Variants in GLIS3 observed in about 807,000 individuals in gnomAD.
The protein encoded by GLIS3 is zinc finger protein GLIS3.
GLIS3 carries 53 observed loss-of-function variants against 78.6 expected under a neutral mutation model. The ratio of observed to expected loss-of-function variants is 0.67; its 90% confidence interval spans 0.54 to 0.85. The LOEUF (loss-of-function observed/expected upper bound fraction) is 0.85. Ranked by LOEUF, GLIS3 falls within the 40% of genes least tolerant of loss-of-function variation. The pLI, the probability that GLIS3 is intolerant of heterozygous loss-of-function variation, is 0.00. For synonymous variants in GLIS3, 684 were observed against 509.9 expected (o/e 1.34, Z -4.60); for missense variants, 1,703 against 1,231.1 (o/e 1.38, Z -5.74).
intron 4 of GLIS3, among the ~76,000 whole-genome samples, chr9:4,074,312 C>T (rs1178284755): frequency 6.6e-6 from 1 of 152,186 alleles, no homozygotes; most frequent in Non-Finnish European, 1.5e-5. Flanking sequence ...TGGGCTTTGT[C>T]AGAGAAATTC....
intron 2 of GLIS3, among the ~76,000 whole-genome samples, chr9:4,342,215 T>C (rs527555385): frequency 6.6e-6 from 1 of 152,342 alleles, no homozygotes; most frequent in Admixed American, 6.5e-5. Flanking sequence ...AGGGTTTTTA[T>C]AGTTTTGGGT....
the GLIS3 span, among the ~76,000 whole-genome samples, chr9:4,468,680 A>G: frequency 1.3e-5 from 2 of 152,174 alleles, no homozygotes; most frequent in East Asian, 1.9e-4. Context: ...ACTGCAAAAA[A>G]CATGCCAATT....
chr9:4,025,314 T>G (rs1363433145), intron 4 of GLIS3, among the ~76,000 whole-genome samples: 2 of 151,902 alleles, frequency 1.3e-5, no homozygotes, highest in Admixed American at 6.5e-5. Flanking sequence ...GATGAGCAAA[T>G]GGATGGACGG....
intron 2 of GLIS3, among the ~76,000 whole-genome samples, chr9:4,267,125 C>T (rs202167969): frequency 2.6e-5 from 4 of 152,036 alleles, no homozygotes; most frequent in Non-Finnish European, 4.4e-5. Flanking sequence ...GCTGTACCCC[C>T]TGCAGACACC....
At chr9:3,947,400 A>G (rs909246034) in intron 4 of GLIS3, among the ~76,000 whole-genome samples, 2 of 152,274 alleles carry the variant, frequency 1.3e-5, no homozygotes, top group Non-Finnish European at 1.5e-5. Context: ...ATACAGCAAC[A>G]CAAACCTCCA....
the GLIS3 span, among the ~76,000 whole-genome samples, chr9:4,437,510 C>T: frequency 2.8e-4 from 43 of 151,858 alleles, no homozygotes; most frequent in Admixed American, 1.9e-3. Flanking sequence ...GAATTAGGCA[C>T]CATAATGACA....
At chr9:3,905,379 C>T (rs574157577) in intron 6 of GLIS3, among the ~76,000 whole-genome samples, 376 of 152,174 alleles carry the variant, frequency 2.5e-3, no homozygotes, top group Non-Finnish European at 3.8e-3. Flanking sequence ...CTGGAAAAGT[C>T]TCTAGCATAC....
At chr9:4,418,148 C>G in the GLIS3 span, among the ~76,000 whole-genome samples, 7 of 152,204 alleles carry the variant, frequency 4.6e-5, no homozygotes, top group Admixed American at 3.3e-4. Context: ...AACAGTCACT[C>G]ATGAGCCATC....
intron 4 of GLIS3, among the ~76,000 whole-genome samples, chr9:4,103,010 A>G (rs1436905746): frequency 2.0e-5 from 3 of 152,180 alleles, no homozygotes; most frequent in Non-Finnish European, 4.4e-5. Context: ...CTGTGTTTGG[A>G]CATGACATAA....
chr9:4,234,830 G>C (rs1423890770), intron 2 of GLIS3, among the ~76,000 whole-genome samples: 2 of 152,170 alleles, frequency 1.3e-5, no homozygotes, highest in Non-Finnish European at 2.9e-5. Context: ...TCAAGGTCAT[G>C]CAACTATTTC....
the GLIS3 span, among the ~76,000 whole-genome samples, chr9:4,459,024 C>G: frequency 1.3e-5 from 2 of 152,060 alleles, no homozygotes; most frequent in African/African-American, 2.4e-5. Context: ...GGCTTTTACT[C>G]TGGGATGGCA....
intron 4 of GLIS3, among the ~76,000 whole-genome samples, chr9:4,096,978 C>G (rs1035990494): frequency 1.3e-5 from 2 of 152,174 alleles, no homozygotes; most frequent in African/African-American, 4.8e-5. Context: ...TGCCACTGCA[C>G]TCCAGCCTGG....
At chr9:4,377,898 G>A in the GLIS3 span, among the ~76,000 whole-genome samples, 2 of 152,052 alleles carry the variant, frequency 1.3e-5, no homozygotes, top group Non-Finnish European at 2.9e-5. Context: ...CATGCTCTTA[G>A]AAGTTCATTT....
chr9:4,030,875 GC>G (rs1823777887), intron 4 of GLIS3, among the ~76,000 whole-genome samples: 1 of 152,152 alleles, frequency 6.6e-6, no homozygotes, highest in South Asian at 2.1e-4. Flanking sequence ...AGCATCATGT[GC>G]TGACATTATC....
intron 4 of GLIS3, among the ~76,000 whole-genome samples, chr9:3,999,447 C>G (rs73388244): frequency 0.011 from 1,685 of 152,160 alleles, 37 homozygotes; most frequent in African/African-American, 0.038. Flanking sequence ...GGTTGCATTT[C>G]TATGCACCAG....
At chr9:4,112,726 G>A (rs1831320047) in intron 4 of GLIS3, among the ~76,000 whole-genome samples, 1 of 152,134 alleles carries the variant, frequency 6.6e-6, no homozygotes, top group South Asian at 2.1e-4. Context: ...ATTGGAGTGT[G>A]ATAGTAATTG....
chr9:3,841,685 G>C (rs1405494573), intron 9 of GLIS3, among the ~76,000 whole-genome samples: 1 of 152,176 alleles, frequency 6.6e-6, no homozygotes, highest in Non-Finnish European at 1.5e-5. Context: ...ACTTTGCCAA[G>C]GTTGACAAGA....
intron 2 of GLIS3, among the ~76,000 whole-genome samples, chr9:4,211,067 C>T (rs1489560678): frequency 7.2e-5 from 11 of 152,194 alleles, no homozygotes; most frequent in Admixed American, 6.5e-5. Flanking sequence ...ATTAAACAGG[C>T]GCCCTCAACA....
At chr9:4,252,191 G>A (rs1587154909) in intron 2 of GLIS3, among the ~76,000 whole-genome samples, 1 of 152,162 alleles carries the variant, frequency 6.6e-6, no homozygotes, top group African/African-American at 2.4e-5. Context: ...ATAATATCCT[G>A]AGGAGTGTTT....
Sources: gnomAD v4.1 joint callset for allele counts (sites outside exome capture counted in the v4.1 genomes callset) on GRCh38, gnomAD v4.1.1 for gene constraint, MANE v1.5 for transcripts, NCBI Gene and HGNC (gene_info 2026-07-23, HGNC 2026-07-21) for gene names.